ASIC2: variants seen among roughly 807,000 people sequenced by gnomAD.
ASIC2 encodes acid sensing ion channel subunit 2, also known as acid-sensing ion channel 2.
In ASIC2, 25 loss-of-function variants were observed where a neutral mutation model predicts 57.3. That is an observed-to-expected ratio of 0.44 (90% CI 0.32 to 0.61). The LOEUF (loss-of-function observed/expected upper bound fraction) is 0.61, where lower values mean the gene tolerates loss of function less well. Ranked by LOEUF, ASIC2 falls within the 20% of genes least tolerant of loss-of-function variation. The pLI is 0.06. For missense variants in ASIC2, 641 were observed against 738.1 expected, an observed-to-expected ratio of 0.87 and a Z score of 1.52; for synonymous variants, 319 against 307.5, an observed-to-expected ratio of 1.04 and a Z score of -0.39.
chr17:33,485,133 A>G (rs1305966086), intron 1 of ASIC2, among the ~76,000 whole-genome samples: 1 of 152,258 alleles, frequency 6.6e-6, no homozygotes, highest in Non-Finnish European at 1.5e-5. Context: ...ACATGGGGCT[A>G]TGATTTGATC....
At chr17:33,464,514 T>TTCTC (rs1412311271) in intron 1 of ASIC2, among the ~76,000 whole-genome samples, 1 of 38,932 alleles carries the variant, frequency 2.6e-5, no homozygotes, top group East Asian at 4.3e-4. Flanking sequence ...CTTTCTTTCT[T>TTCTC]TCTTTCTTTC....
intron 1 of ASIC2, among the ~76,000 whole-genome samples, chr17:34,015,539 C>T (rs1906921616): frequency 2.0e-5 from 3 of 152,238 alleles, no homozygotes; most frequent in African/African-American, 7.2e-5. Flanking sequence ...ATCTGCTCTC[C>T]TATCTCAGAG....
chr17:34,141,331 A>C (rs1912266734), intron 1 of ASIC2, among the ~76,000 whole-genome samples: 1 of 152,192 alleles, frequency 6.6e-6, no homozygotes, highest in Non-Finnish European at 1.5e-5. Context: ...TGAGGGATAC[A>C]CAGGAATTCT....
intron 1 of ASIC2, among the ~76,000 whole-genome samples, chr17:33,588,041 A>G (rs934340200): frequency 6.6e-6 from 1 of 152,194 alleles, no homozygotes; most frequent in African/African-American, 2.4e-5. Flanking sequence ...AATGTTCCCA[A>G]TTCTATTCCC....
At chr17:34,037,709 T>A in intron 1 of ASIC2, 1 of 1,614,108 alleles carries the variant, frequency 6.2e-7, no homozygotes, top group South Asian at 1.1e-5. Flanking sequence ...CTTTTGGATG[T>A]GAGGCAACAA....
chr17:33,121,666 C>A (rs2092302771), intron 1 of ASIC2, among the ~76,000 whole-genome samples: 1 of 152,122 alleles, frequency 6.6e-6, no homozygotes, highest in Non-Finnish European at 1.5e-5. Flanking sequence ...GAACCTCACA[C>A]CCTCAGGTAG....
At chr17:33,407,609 T>TC (rs1387093745) in intron 1 of ASIC2, among the ~76,000 whole-genome samples, 1 of 152,176 alleles carries the variant, frequency 6.6e-6, no homozygotes, top group East Asian at 1.9e-4. Context: ...TTCTATAGGA[T>TC]CCCAGGTACA....
intron 1 of ASIC2, among the ~76,000 whole-genome samples, chr17:33,837,012 A>G (rs1184141473): frequency 6.6e-6 from 1 of 152,220 alleles, no homozygotes; most frequent in Admixed American, 6.5e-5. Flanking sequence ...CTAACTGATC[A>G]TTAAATTATA....
intron 1 of ASIC2, among the ~76,000 whole-genome samples, chr17:33,378,540 C>T (rs1306194036): frequency 6.6e-6 from 1 of 152,194 alleles, no homozygotes; most frequent in Non-Finnish European, 1.5e-5. Context: ...ATGCTCTGCC[C>T]CTTGACACTC....
intron 1 of ASIC2, among the ~76,000 whole-genome samples, chr17:33,761,224 G>A (rs1910767928): frequency 6.6e-6 from 1 of 152,152 alleles, no homozygotes; most frequent in Admixed American, 6.5e-5. Flanking sequence ...ATTCTCAGAT[G>A]TCACAGTTTA....
intron 3 of ASIC2, among the ~76,000 whole-genome samples, chr17:33,066,017 C>T (rs2092041969): frequency 6.6e-6 from 1 of 152,116 alleles, no homozygotes; most frequent in Admixed American, 6.5e-5. Context: ...CAACCTACAA[C>T]AGAAAGGCTC....
intron 1 of ASIC2, among the ~76,000 whole-genome samples, chr17:33,667,361 A>T (rs1036113603): frequency 2.6e-5 from 4 of 152,200 alleles, no homozygotes; most frequent in Non-Finnish European, 1.5e-5. Context: ...GGTTATTGTT[A>T]AGTAAGCAGA....
chr17:33,322,191 C>A (rs1487779945), intron 1 of ASIC2, among the ~76,000 whole-genome samples: 1 of 152,196 alleles, frequency 6.6e-6, no homozygotes, highest in Non-Finnish European at 1.5e-5. Flanking sequence ...AACTTCAGAT[C>A]TTGGGAGATC....
intron 1 of ASIC2, among the ~76,000 whole-genome samples, chr17:33,281,577 T>C (rs1454451523): frequency 6.6e-6 from 1 of 152,234 alleles, no homozygotes; most frequent in African/African-American, 2.4e-5. Context: ...AAAAGTATGG[T>C]CTGTGTTTCG....
chr17:33,778,430 AC>A (rs1194718866), intron 1 of ASIC2, among the ~76,000 whole-genome samples: 3 of 152,146 alleles, frequency 2.0e-5, no homozygotes, highest in African/African-American at 7.2e-5. Context: ...AGGCAAAAAA[AC>A]AATTTTGTGC....
At chr17:33,949,861 C>T (rs1904502629) in intron 1 of ASIC2, among the ~76,000 whole-genome samples, 1 of 152,188 alleles carries the variant, frequency 6.6e-6, no homozygotes, top group South Asian at 2.1e-4. Flanking sequence ...TTATTATTCT[C>T]CAAGACAGAA....
Position 34,099,154 on chromosome 17 carries a change from GAGAGAGAGAGAAAGAAAGAAAGAA to G in ASIC2, c.555+56800_555+56823del, listed in dbSNP as rs1567820898. On this transcript the variant is annotated intron_variant, in intron 1 of 9. Transcript: ENST00000359872. ...AGAGAGAGAGAGAGAGACAGAGAGA[GAGAGAGAGAGAAAGAAAGAAAGAA>G]AGAAAGAAAGAAAGAAAGAAAGAAA... Among the ~76,000 whole-genome samples, 35 of 26,236 alleles carry G rather than the reference GAGAGAGAGAGAAAGAAAGAAAGAA, an allele frequency of 1.3e-3. 1 individual carries two copies. In the East Asian group the frequency reaches 0.032, roughly 24 times the overall value. 17.2% of individuals were successfully genotyped at this position (26,236 alleles called of 152,430 possible). A position where few individuals can be genotyped will look rare whatever the true frequency, so the allele number is the denominator to read the frequency against.
intron 1 of ASIC2, among the ~76,000 whole-genome samples, chr17:33,274,808 C>A (rs1597661491): frequency 6.6e-6 from 1 of 152,178 alleles, no homozygotes; most frequent in African/African-American, 2.4e-5. Context: ...CCAGAGCGGG[C>A]AGCTAAAGAA....
At chr17:33,209,641 T>G (rs527983547) in intron 1 of ASIC2, among the ~76,000 whole-genome samples, 48 of 152,356 alleles carry the variant, frequency 3.2e-4, no homozygotes, top group Middle Eastern at 3.4e-3. Flanking sequence ...CCTTGAGCTA[T>G]AGGAAGGCAG....
Sources: allele counts gnomAD v4.1 joint callset (sites outside exome capture counted in the v4.1 genomes callset), GRCh38; gene constraint gnomAD v4.1.1; transcripts MANE v1.5; gene names NCBI Gene and HGNC (gene_info 2026-07-23, HGNC 2026-07-21).